The following ORAI3 variants were observed in gnomAD, a reference collection of about 807,000 sequenced individuals.
ORAI3 encodes the protein ORAI calcium release-activated calcium modulator 3.
In ORAI3, 15 loss-of-function variants were observed where a neutral mutation model predicts 17.2. The ratio of observed to expected loss-of-function variants is 0.87; its 90% CI spans 0.58 to 1.34. ORAI3 has a LOEUF of 1.34. Among genes scored for constraint, ORAI3 ranks in the 40% most tolerant of loss-of-function variants. The pLI, the probability that ORAI3 is intolerant of heterozygous loss-of-function variation, is 0.00. For synonymous variants in ORAI3, 178 were observed against 172.4 expected, an observed-to-expected ratio of 1.03 and a Z score of -0.25; for missense variants, 405 against 396.7, an observed-to-expected ratio of 1.02 and a Z score of -0.18.
rs149054599 is a variant in ORAI3 at position 30,950,980 on chromosome 16, G to T, written c.228+1463G>T. Among the ~76,000 whole-genome samples the T allele has an allele frequency of 4.2e-4, 64 of 152,282 alleles. 1 individual carries two copies. The highest frequency in any genetic ancestry group is 1.5e-3 in the African/African-American group (63 of 41,556). On this transcript the variant is annotated intron_variant, in intron 1 of 1. Transcript: ENST00000318663. The stretch of plus-strand genomic sequence containing the variant: ...TTAGGTTCCGGGGGCAGGACTGGCC[G>T]CAGTCCTAGCAGGGGTGACCGAGGC...
chr16:30,949,312 CG>C lies in ORAI3; in HGVS notation c.26del (p.Gly9AlafsTer6). ...AGGATGAAGGGCGGCGAGGGGGACGCGGGCGAGCAGGCCCCGCTGAACCCTG... is the reference window on the plus strand; with the variant it reads ...AGGATGAAGGGCGGCGAGGGGGACGCGGCGAGCAGGCCCCGCTGAACCCTG... MKGGEGD[A>X]GEQAPLNPEG... On this transcript the variant is annotated frameshift_variant, in exon 1 of 2. Coordinates refer to ENST00000318663, the MANE Select transcript of ORAI3 (RefSeq NM_152288.3). LOFTEE classifies it high-confidence loss of function. 7.0e-7 allele frequency: 1 copy of C among 1,429,598 alleles called. No individual in the cohort carries two copies. The highest frequency in any genetic ancestry group is 9.1e-7 in the Non-Finnish European group (1 of 1,094,384). 88.6% of individuals were successfully genotyped at this position (1,429,598 alleles called of 1,614,324 possible).
rs2055941450 is a variant in ORAI3, at chr16:30,954,382, A to C, written c.*538A>C. ...TGGTACTACAGGTGTGTGCTGCCAC[A>C]CCCGACTAATTTTTTTGTAGAGACG... On this transcript the variant is annotated 3_prime_UTR_variant, in exon 2 of 2. Coordinates refer to ENST00000318663, the MANE Select transcript of ORAI3 (RefSeq NM_152288.3). 2 of 412,432 alleles carry C rather than the reference A, an allele frequency of 4.8e-6. No homozygotes were observed. Among genetic ancestry groups the C allele is most frequent in the Non-Finnish European group, 8.7e-6 (2 of 228,856 alleles). The allele number at this position is 412,432 out of a possible 1,614,324, so 25.5% of individuals were successfully genotyped here.
chr16:30,953,981 A>G lies in ORAI3; in HGVS notation c.*137A>G. On this transcript the variant is annotated 3_prime_UTR_variant, in exon 2 of 2. Transcript: ENST00000318663. ...GTGGCCACTCTCAGGCAGAGTTCAG[A>G]TTCCTGCCCGCAGGGTCCTCTGGGC... The G allele has an allele frequency of 1.0e-6, 1 of 991,050 alleles. No homozygotes were observed. The highest frequency in any genetic ancestry group is 1.5e-6 in the Non-Finnish European group (1 of 648,790). 61.4% of individuals were successfully genotyped at this position (991,050 alleles called of 1,614,324 possible). A position where few individuals can be genotyped will look rare whatever the true frequency, so the allele number is the denominator to read the frequency against.
At position 30,949,404 on chromosome 16, in the gene ORAI3, A is replaced by G. The variant is rs2055910291; in HGVS notation, c.115A>G (p.Met39Val). The change falls in exon 1 of 2, where the codon ATG becomes GTG. Residue 39 changes from methionine to valine, a missense_variant. Coordinates refer to ENST00000318663, the MANE Select transcript of ORAI3 (RefSeq NM_152288.3). ...CGTGCACCGCGGCTACCTGGACCTC[A>G]TGGGGGCCAGTCAGCACTCGCTGCG... ...EFVHRGYLDL[M>V]GASQHSLRAL... 6.9e-6 allele frequency: 11 copies of G among 1,600,158 alleles called. No individual in the cohort carries two copies. The highest frequency in any genetic ancestry group is 9.4e-6 in the Non-Finnish European group (11 of 1,174,858).
rs1240888655 is a variant in ORAI3 at position 30,953,604 on chromosome 16, T to G, written c.648T>G (p.Ser216=). 1 of 1,614,070 alleles carries G rather than the reference T, an allele frequency of 6.2e-7. No individual in the cohort carries two copies. The highest frequency in any genetic ancestry group is 8.5e-7 in the Non-Finnish European group (1 of 1,180,024). Residue 216 remains serine (S), a synonymous_variant, in exon 2 of 2, where the codon TCT becomes TCG. Transcript: ENST00000318663. ...CCAATCTCCCACGGTCCTCTGCGTC[T>G]GCAGCACCGTCCCAAGCTGAGCCAG... ...PASNLPRSSA[S]AAPSQAEPAC...
At position 30,954,247 on chromosome 16, in the gene ORAI3, A is replaced by G. The variant is rs1398899215; in HGVS notation, c.*403A>G. 1.4e-5 allele frequency: 9 copies of G among 631,608 alleles called. No homozygotes were observed. Among genetic ancestry groups the G allele is most frequent in the Admixed American group, 2.5e-5 (1 of 40,014 alleles). 39.1% of individuals were successfully genotyped at this position (631,608 alleles called of 1,614,324 possible). On this transcript the variant is annotated 3_prime_UTR_variant, in exon 2 of 2. Coordinates refer to ENST00000318663, the MANE Select transcript of ORAI3 (RefSeq NM_152288.3). Reference sequence around the variant, plus strand: ...GGTTTAATTTTTTTTTTTTTTTGAGACAGTCTGTTTCCCAGGCTGGAGTGT... The same window carrying G: ...GGTTTAATTTTTTTTTTTTTTTGAGGCAGTCTGTTTCCCAGGCTGGAGTGT...
At chr16:30,952,120 T>C (rs982592562) in intron 1 of ORAI3, among the ~76,000 whole-genome samples, 1 of 127,942 alleles carries the variant, frequency 7.8e-6, no homozygotes. Flanking sequence ...CTTTTCTTTC[T>C]TATCTTTCTT....
At chr16:30,950,369 G>T (rs568732313) in intron 1 of ORAI3, among the ~76,000 whole-genome samples, 1 of 152,332 alleles carries the variant, frequency 6.6e-6, no homozygotes, top group Non-Finnish European at 1.5e-5. Context: ...ACGTACCAAG[G>T]ATGGCTCAGA....
chr16:30,953,030 A>T (rs924222867), intron 1 of ORAI3, among the ~76,000 whole-genome samples, 155 bp from the exon 2 acceptor site: 1 of 152,316 alleles, frequency 6.6e-6, no homozygotes, highest in South Asian at 2.1e-4. Flanking sequence ...AAAGCTGTCC[A>T]TTCGTTTACT....
In ORAI3 at chr16:30,953,834, A is replaced by G; in HGVS notation, c.878A>G (p.Gln293Arg). The G allele has an allele frequency of 6.2e-7, 1 of 1,607,906 alleles. No homozygotes were observed. The highest frequency in any genetic ancestry group is 8.5e-7 in the Non-Finnish European group (1 of 1,177,386). ...EELNRLQGEL[Q>R]AV is the part of the protein sequence containing the mutation. ...CTGAATCGCCTGCAGGGGGAGCTGC[A>G]GGCTGTGTGAGACTGGTGTTAGCCA... is the stretch of plus-strand genomic sequence containing the variant. Residue 293 changes from glutamine to arginine, a missense_variant, in exon 2 of 2, where the codon CAG becomes CGG. Transcript: ENST00000318663.
rs1443196133 is a variant in ORAI3 at position 30,954,836 on chromosome 16, G to A, written c.*992G>A. 6.6e-6 allele frequency: 1 copy of A among 152,316 alleles called. No individual in the cohort carries two copies. Among genetic ancestry groups the A allele is most frequent in the African/African-American group, 2.4e-5 (1 of 41,472 alleles). 9.4% of individuals were successfully genotyped at this position (152,316 alleles called of 1,614,324 possible). On this transcript the variant is annotated 3_prime_UTR_variant, in exon 2 of 2. Transcript: ENST00000318663. Reference sequence around the variant, plus strand: ...TCCTTAGCAAGGGTTGGGTAAGGAGGTTTTAAGGGAGAAGGTCCAGTCCTT... The same window carrying A: ...TCCTTAGCAAGGGTTGGGTAAGGAGATTTTAAGGGAGAAGGTCCAGTCCTT...
In ORAI3 at chr16:30,952,652, CT is replaced by C. The variant is rs548818329; in HGVS notation, c.229-525del. On this transcript the variant is annotated intron_variant, in intron 1 of 1. Transcript: ENST00000318663. ...CCTGTTAGAAGCATGTCATCCAGCC[CT>C]TTTTTTTATTTTTATTTTTAATTTT... Among the ~76,000 whole-genome samples, 10 of 151,834 alleles carry C rather than the reference CT, an allele frequency of 6.6e-5. 1 individual carries two copies. The highest frequency in any genetic ancestry group is 3.9e-4 in the Admixed American group (6 of 15,232).
At chr16:30,950,076 T>C (rs972806590) in intron 1 of ORAI3, among the ~76,000 whole-genome samples, 2 of 152,142 alleles carry the variant, frequency 1.3e-5, no homozygotes, top group African/African-American at 4.8e-5. Flanking sequence ...ATGAGGAAAC[T>C]GATAAGCGAG....
chr16:30,952,692 G>T (rs1049410293), intron 1 of ORAI3, among the ~76,000 whole-genome samples: 1 of 151,712 alleles, frequency 6.6e-6, no homozygotes, highest in Admixed American at 6.6e-5. Flanking sequence ...TTGAGACAGA[G>T]TCTTGCTCTG....
intron 1 of ORAI3, 62 bp downstream of exon 1, chr16:30,949,579 G>GT: frequency 1.3e-6 from 1 of 756,812 alleles, no homozygotes; most frequent in Non-Finnish European, 1.9e-6. Flanking sequence ...CAGGTCGGGG[G>GT]GGGGGCGAAG....
rs2055937182 is a variant in ORAI3, at chr16:30,953,762, C to T, written c.806C>T (p.Ser269Phe). ...GCCTTTGCCCTGCATTTCTACCGCTCCTTGGTGGCACACAAGACAGACCGC... is the reference window on the plus strand; with the variant it reads ...GCCTTTGCCCTGCATTTCTACCGCTTCTTGGTGGCACACAAGACAGACCGC... ...FVAFALHFYR[S>F]LVAHKTDRYK... Residue 269 changes from serine (S) to phenylalanine (F), a missense_variant, in exon 2 of 2, where the codon TCC becomes TTC. Transcript: ENST00000318663. 1 of 1,614,104 alleles carries T rather than the reference C, an allele frequency of 6.2e-7. No homozygotes were observed. The highest frequency in any genetic ancestry group is 8.5e-7 in the Non-Finnish European group (1 of 1,180,038).
At chr16:30,949,640 A>G in intron 1 of ORAI3, 123 bp downstream of exon 1, 2 of 680,572 alleles carry the variant, frequency 2.9e-6, no homozygotes, top group Admixed American at 6.6e-5. Flanking sequence ...TCAAAGGGGG[A>G]AGGAACAAGG....
chr16:30,949,531 A>C lies in ORAI3; in HGVS notation c.228+14A>C. 9.2e-7 allele frequency: 1 copy of C among 1,084,448 alleles called. No individual in the cohort carries two copies. The highest frequency in any genetic ancestry group is 1.2e-6 in the Non-Finnish European group (1 of 853,202). The allele number at this position is 1,084,448 out of a possible 1,614,324, so 67.2% of individuals were successfully genotyped here. On this transcript the variant is annotated intron_variant, in intron 1 of 1. Coordinates refer to ENST00000318663, the MANE Select transcript of ORAI3 (RefSeq NM_152288.3). ...GGCTTCGCCATGGTGAGGGGCCGGG[A>C]GGGGTCACACCCGGTGGGGCAGAGC...
chr16:30,952,750 C>T (rs1218879043), intron 1 of ORAI3, among the ~76,000 whole-genome samples: 4 of 152,114 alleles, frequency 2.6e-5, no homozygotes, highest in Non-Finnish European at 4.4e-5. Context: ...ACTCAAACTT[C>T]TGCCTCCTGG....
Sources: gnomAD v4.1 joint callset for allele counts (sites outside exome capture counted in the v4.1 genomes callset) on GRCh38, gnomAD v4.1.1 for gene constraint, MANE v1.5 for transcripts, NCBI Gene and HGNC (gene_info 2026-07-23, HGNC 2026-07-21) for gene names.